The following CES4A variants were observed in gnomAD, a reference collection of about 807,000 sequenced individuals.
CES4A encodes the protein carboxylesterase 4A.
CES4A carries 48 observed loss-of-function variants against 65.4 expected under a neutral mutation model. The observed-to-expected ratio is 0.73, with a 90% CI of 0.58 to 0.93. The LOEUF (loss-of-function observed/expected upper bound fraction) is 0.93, where lower values mean the gene tolerates loss of function less well. Among genes scored for constraint, CES4A ranks in the 40% least tolerant of loss-of-function variants. The probability of loss-of-function intolerance (pLI) is 0.00; values close to 1 mark genes in which losing one functional copy is unlikely to be tolerated. For missense variants in CES4A, 685 were observed against 728.5 expected (o/e 0.94, Z 0.69); for synonymous variants, 247 against 281.8 (o/e 0.88, Z 1.24).
rs757424064 is a variant in CES4A, at chr16:67,003,564, C to T, written c.939+11C>T. ...AGAGACCCGGAAGAGGTAAACAGGC[C>T]ACATTCTGCAATTTGAGTATTTATT... On this transcript the variant is annotated intron_variant, in intron 8 of 13. Transcript: ENST00000648724. This position sits in a 1 kb window ranked among gnomAD's most constrained non-coding sequence, Gnocchi z 4.2. The T allele has an allele frequency of 3.1e-6, 5 of 1,607,038 alleles. No individual in the cohort carries two copies. The South Asian group carries it at 4.4e-5, about 14-fold the overall frequency.
downstream of CES4A, among the ~76,000 whole-genome samples, chr16:67,010,064 G>A (rs1414944606): frequency 1.3e-5 from 2 of 150,790 alleles, no homozygotes; most frequent in Non-Finnish European, 3.0e-5. Context: ...TGTTTTGTGG[G>A]GTTTTTTTTT....
In CES4A at chr16:67,003,028, T is replaced by C. The variant is rs773189290; in HGVS notation, c.691-42T>C. 6.6e-7 allele frequency: 1 copy of C among 1,526,552 alleles called. No homozygotes were observed. The highest frequency in any genetic ancestry group is 9.1e-7 in the Non-Finnish European group (1 of 1,100,368). The allele number at this position is 1,526,552 out of a possible 1,614,324, so 94.6% of individuals were successfully genotyped here. On this transcript the variant is annotated intron_variant, in intron 5 of 13. Transcript: ENST00000648724. This position sits in a 1 kb window ranked among gnomAD's most constrained non-coding sequence, Gnocchi z 4.2. Reference sequence around the variant, plus strand: ...ATGCCCAGAACAGCCCAGGTGTCTCTACTTGGGCATCTCACGGGTGTATTC... The same window carrying C: ...ATGCCCAGAACAGCCCAGGTGTCTCCACTTGGGCATCTCACGGGTGTATTC...
At position 66,990,051 on chromosome 16, in the gene CES4A, T is replaced by C. The variant is rs187592519; in HGVS notation, c.58+1221T>C. 9.1e-5 allele frequency among the ~76,000 whole-genome samples: 13 copies of C among 143,058 alleles called. No homozygotes were observed. The East Asian group carries it at 1.2e-3, about 13-fold the overall frequency. The allele number at this position is 143,058 out of a possible 152,430, so 93.9% of individuals were successfully genotyped here. On this transcript the variant is annotated intron_variant, in intron 1 of 13. Coordinates refer to ENST00000648724, the Ensembl canonical transcript of CES4A. Reference sequence around the variant, plus strand: ...CGCATTTTCTTTTCATCTTTTCTTTTTTTTTTTTTTTTTTTTTGAGACGGA... The same window carrying C: ...CGCATTTTCTTTTCATCTTTTCTTTCTTTTTTTTTTTTTTTTTGAGACGGA...
rs563095590 is a variant in CES4A, at chr16:66,989,161, C to G, written c.58+331C>G. Among the ~76,000 whole-genome samples, 92 of 152,226 alleles carry G rather than the reference C, an allele frequency of 6.0e-4. 1 individual carries two copies. The highest frequency in any genetic ancestry group is 1.2e-4 in the Non-Finnish European group (8 of 68,022). ...TCCTTCTCCTAAGCAGGAGGCCTGT[C>G]TCTGCCCCCTCTCTGCTACATGAAC... is the stretch of plus-strand genomic sequence containing the variant. On this transcript the variant is annotated intron_variant, in intron 1 of 13. Coordinates refer to ENST00000648724, the Ensembl canonical transcript of CES4A.
chr16:66,988,857 T>A, intron 1 of CES4A, 27 bp downstream of exon 1: 1 of 1,549,882 alleles, frequency 6.5e-7, no homozygotes, highest in Non-Finnish European at 8.7e-7. Flanking sequence ...TTCCCGAGAG[T>A]GTCAGGCAAG....
In CES4A at chr16:67,000,521, A is replaced by T. The variant is rs535670246; in HGVS notation, c.261-117A>T. 6.9e-6 allele frequency: 10 copies of T among 1,455,022 alleles called. No individual in the cohort carries two copies. Among genetic ancestry groups the T allele is most frequent in the South Asian group, 2.8e-5 (2 of 70,628 alleles). 90.1% of individuals were successfully genotyped at this position (1,455,022 alleles called of 1,614,324 possible). ...TACACGCACACGCACGCACATGCGC[A>T]CGCACACGCACGCGCACAGACGCTG... On this transcript the variant is annotated intron_variant, in intron 2 of 13. Transcript: ENST00000648724. The surrounding 1 kb of genome is among the most constrained non-coding windows in gnomAD (Gnocchi z 4.2).
At position 67,000,207 on chromosome 16, in the gene CES4A, TG is replaced by T. The variant is rs1354831136; in HGVS notation, c.261-427del. 6.6e-6 allele frequency among the ~76,000 whole-genome samples: 1 copy of T among 152,074 alleles called. No individual in the cohort carries two copies. Among genetic ancestry groups the T allele is most frequent in the African/African-American group, 2.4e-5 (1 of 41,402 alleles). On this transcript the variant is annotated intron_variant, in intron 2 of 13. Transcript: ENST00000648724. This position sits in a 1 kb window ranked among gnomAD's most constrained non-coding sequence, Gnocchi z 4.2. ...AGGAGTAGGAGGAGTGTGAAGAGGC[TG>T]GGGTACTGTCCAGACCAGAGACGGT...
At chr16:66,988,736 G>C in exon 1 of CES4A, 2 of 1,553,638 alleles carry the variant, frequency 1.3e-6, no homozygotes, top group Non-Finnish European at 8.7e-7. Context: ...CCACAGTGTT[G>C]CCATCACTCC....
At position 67,001,373 on chromosome 16, in the gene CES4A, T is replaced by G. The variant is rs765441637; in HGVS notation, c.602T>G (p.Val201Gly). The G allele has an allele frequency of 6.2e-7, 1 of 1,613,310 alleles. No individual in the cohort carries two copies. Among genetic ancestry groups the G allele is most frequent in the African/African-American group, 1.3e-5 (1 of 74,824 alleles). ...GACCAGATGGCGGCTCTGCGCTGGG[T>G]GCAGGAGAACATCGCAGCCTTCGGG... is the stretch of plus-strand genomic sequence containing the variant. Residue 201 changes from valine (V) to glycine (G), a missense_variant, in exon 5 of 14, where the codon GTG (valine) becomes GGG (glycine). Transcript: ENST00000648724. The surrounding 1 kb of genome is among the most constrained non-coding windows in gnomAD (Gnocchi z 4.1).
At chr16:67,008,791 G>T in intron 13 of CES4A, 183 bp from the exon 14 acceptor site, 1 of 625,296 alleles carries the variant, frequency 1.6e-6, no homozygotes. Flanking sequence ...CATACTGTTT[G>T]CTCTGCCTGG....
At chr16:66,989,334 A>G (rs1464588032) in intron 1 of CES4A, among the ~76,000 whole-genome samples, 2 of 151,484 alleles carry the variant, frequency 1.3e-5, no homozygotes, top group Admixed American at 1.3e-4. Context: ...TCACTGTATA[A>G]TTATATCTAT....
chr16:67,010,326 G>T (rs1022152891), downstream of CES4A, among the ~76,000 whole-genome samples: 1 of 151,750 alleles, frequency 6.6e-6, no homozygotes, highest in African/African-American at 2.4e-5. Flanking sequence ...TCAGCCTGCT[G>T]AAGTGCTGGA....
intron 10 of CES4A, 89 bp from the exon 11 acceptor site, chr16:67,005,151 G>A (rs1033469338): frequency 7.3e-7 from 1 of 1,378,878 alleles, no homozygotes; most frequent in Non-Finnish European, 1.0e-6. Flanking sequence ...AAACTCCTGG[G>A]GGGCTGAGCA....
At chr16:66,994,423 C>T (rs1964644269) in intron 1 of CES4A, among the ~76,000 whole-genome samples, 2 of 149,964 alleles carry the variant, frequency 1.3e-5, no homozygotes, top group Non-Finnish European at 3.0e-5. Flanking sequence ...TTAGTAGAGA[C>T]GGGGTTTCAC....
Position 67,001,237 on chromosome 16 carries a change from C to A in CES4A, c.537-71C>A. 1 of 1,490,326 alleles carries A rather than the reference C, an allele frequency of 6.7e-7. No homozygotes were observed. The highest frequency in any genetic ancestry group is 2.4e-5 in the East Asian group (1 of 41,760). 92.3% of individuals were successfully genotyped at this position (1,490,326 alleles called of 1,614,324 possible). A position where few individuals can be genotyped will look rare whatever the true frequency, so the allele number is the denominator to read the frequency against. The stretch of plus-strand genomic sequence containing the variant: ...GCAAGGCTGGGCTGGGTGGGGGAAG[C>A]CCAGGAGGGCAGCCCAACGCGCCCC... On this transcript the variant is annotated intron_variant, in intron 4 of 13. Coordinates refer to ENST00000648724, the Ensembl canonical transcript of CES4A. The surrounding 1 kb of genome is among the most constrained non-coding windows in gnomAD (Gnocchi z 4.1).
In CES4A at chr16:67,003,124, A is replaced by G; in HGVS notation, c.745A>G (p.Thr249Ala). 1 of 1,614,126 alleles carries G rather than the reference A, an allele frequency of 6.2e-7. No homozygotes were observed. Among genetic ancestry groups the G allele is most frequent in the Non-Finnish European group, 8.5e-7 (1 of 1,180,000 alleles). ...CCATCGGGCCATTTCCCAGAGTGGC[A>G]CCGCGTTATTCAGACTTTTCATCAC... Residue 249 changes from threonine to alanine, a missense_variant, in exon 6 of 14, where the codon ACC (threonine) becomes GCC (alanine). Coordinates refer to ENST00000648724, the Ensembl canonical transcript of CES4A. This position sits in a 1 kb window ranked among gnomAD's most constrained non-coding sequence, Gnocchi z 4.2.
chr16:66,999,637 ACTAAAAATACAAAAATTAG>A (rs1965127437), intron 2 of CES4A, among the ~76,000 whole-genome samples: 1 of 152,222 alleles, frequency 6.6e-6, no homozygotes. Flanking sequence ...CCCCGACTCT[ACTAAAAATACAAAAATTAG>A]CTGGGTGTGA....
At chr16:66,996,008 C>T (rs1597063993) in intron 2 of CES4A, 179 bp downstream of exon 2, 10 of 704,496 alleles carry the variant, frequency 1.4e-5, no homozygotes, top group Non-Finnish European at 2.6e-5. Context: ...ATGGTGTTTA[C>T]ATCACTGACA....
At chr16:67,006,057 C>A in intron 11 of CES4A, 2 of 245,990 alleles carry the variant, frequency 8.1e-6, no homozygotes, top group Non-Finnish European at 8.0e-6. Context: ...CTGGAAAATG[C>A]AGACACCAAA....
Sources: gnomAD v4.1 joint callset for allele counts (sites outside exome capture counted in the v4.1 genomes callset) on GRCh38, gnomAD v4.1.1 for gene constraint, Gnocchi (gnomAD v3.1) non-coding constraint, MANE v1.5 for transcripts, NCBI Gene and HGNC (gene_info 2026-07-23, HGNC 2026-07-21) for gene names.